The following ZNRF3 variants were observed in gnomAD, a reference collection of about 807,000 sequenced individuals.
ZNRF3 encodes the protein zinc and ring finger 3, also known as E3 ubiquitin-protein ligase ZNRF3.
In ZNRF3, 23 loss-of-function variants were observed where a neutral mutation model predicts 72.5. The ratio of observed to expected loss-of-function variants is 0.32; its 90% CI spans 0.23 to 0.45. ZNRF3 has a LOEUF of 0.45. ZNRF3 is among the 20% of genes least tolerant of loss of function. The pLI is 1.00. For missense variants in ZNRF3, 1,169 were observed against 1,272.1 expected, an observed-to-expected ratio of 0.92 and a Z score of 1.23; for synonymous variants, 610 against 545.3, an observed-to-expected ratio of 1.12 and a Z score of -1.65.
chr22:29,050,993 A>G, intron 8 of ZNRF3, 45 bp downstream of exon 8: 2 of 1,491,776 alleles, frequency 1.3e-6, no homozygotes, highest in Non-Finnish European at 1.8e-6. Flanking sequence ...AGTTTCCATC[A>G]GGGTCGTCTT....
intron 1 of ZNRF3, among the ~76,000 whole-genome samples, chr22:28,941,645 A>G (rs1312289215): frequency 2.0e-5 from 3 of 152,102 alleles, no homozygotes; most frequent in Non-Finnish European, 4.4e-5. Flanking sequence ...ACTGGGCACC[A>G]TGGCTCACAC....
chr22:29,054,263 C>A lies in ZNRF3; in HGVS notation c.*641C>A, dbSNP rs80311519. 3.5e-3 allele frequency: 541 copies of A among 152,464 alleles called. 1 individual carries two copies. Among genetic ancestry groups the A allele is most frequent in the Non-Finnish European group, 4.9e-3 (332 of 68,142 alleles). 9.4% of individuals were successfully genotyped at this position (152,464 alleles called of 1,614,324 possible). The stretch of plus-strand genomic sequence containing the variant: ...GACGCCATGCCTCTCCAGCCCACGC[C>A]TTTAGGCAGGTGATGGCAGCAGCTA... On this transcript the variant is annotated 3_prime_UTR_variant, in exon 9 of 9. Coordinates refer to ENST00000544604, the MANE Select transcript of ZNRF3 (RefSeq NM_001206998.2).
At chr22:29,046,348 A>G (rs529775517) in intron 5 of ZNRF3, among the ~76,000 whole-genome samples, 4 of 152,232 alleles carry the variant, frequency 2.6e-5, no homozygotes, top group African/African-American at 9.6e-5. Flanking sequence ...CACATTGTCT[A>G]TTTACTGTCA....
At chr22:28,896,394 A>G (rs998397454) in intron 1 of ZNRF3, among the ~76,000 whole-genome samples, 1 of 151,964 alleles carries the variant, frequency 6.6e-6, no homozygotes, top group Non-Finnish European at 1.5e-5. Context: ...CGGCCTCCCA[A>G]AGTGCTGGGC....
At chr22:29,029,141 C>T (rs890594411) in intron 2 of ZNRF3, among the ~76,000 whole-genome samples, 2 of 152,184 alleles carry the variant, frequency 1.3e-5, no homozygotes, top group African/African-American at 4.8e-5. Context: ...TCAGCTGTCT[C>T]CACACTGACA....
At chr22:28,947,308 A>G (rs1030901795) in intron 1 of ZNRF3, among the ~76,000 whole-genome samples, 1 of 152,202 alleles carries the variant, frequency 6.6e-6, no homozygotes, top group Non-Finnish European at 1.5e-5. Flanking sequence ...ATTATGAACA[A>G]TGCTGCTATG....
At chr22:29,016,452 G>A (rs1044030217) in intron 2 of ZNRF3, among the ~76,000 whole-genome samples, 2 of 152,276 alleles carry the variant, frequency 1.3e-5, no homozygotes, top group Admixed American at 1.3e-4. Context: ...TCTTGCTAAC[G>A]CTGAATAATT....
chr22:29,041,778 A>G (rs1407743192), intron 2 of ZNRF3, among the ~76,000 whole-genome samples: 1 of 152,182 alleles, frequency 6.6e-6, no homozygotes, highest in Non-Finnish European at 1.5e-5. Flanking sequence ...CAGTGTCTCC[A>G]GAGGTCTTCA....
intron 1 of ZNRF3, among the ~76,000 whole-genome samples, chr22:28,893,203 G>A (rs2033924879): frequency 6.6e-6 from 1 of 151,960 alleles, no homozygotes; most frequent in African/African-American, 2.4e-5. Flanking sequence ...AATTAAGAGT[G>A]GGGTAGTACT....
chr22:28,991,062 G>A (rs780356416), intron 2 of ZNRF3, among the ~76,000 whole-genome samples: 6 of 151,832 alleles, frequency 4.0e-5, no homozygotes, highest in Non-Finnish European at 8.8e-5. Flanking sequence ...CGCGCCGATT[G>A]CATGAGCTCA....
At chr22:28,977,688 A>G (rs184943401) in intron 1 of ZNRF3, among the ~76,000 whole-genome samples, 150 of 152,314 alleles carry the variant, frequency 9.8e-4, no homozygotes, top group Admixed American at 2.7e-3. Context: ...TCCTCCTATT[A>G]GTTTAGTATT....
intron 1 of ZNRF3, among the ~76,000 whole-genome samples, chr22:28,900,836 G>A (rs1189466208): frequency 2.0e-5 from 3 of 152,108 alleles, no homozygotes; most frequent in African/African-American, 4.8e-5. Context: ...AGCTGGGTGC[G>A]GTGGCTTACA....
intron 2 of ZNRF3, among the ~76,000 whole-genome samples, chr22:29,005,802 G>T (rs532964852): frequency 6.6e-6 from 1 of 152,170 alleles, no homozygotes; most frequent in South Asian, 2.1e-4. Flanking sequence ...CAGGCCAGGC[G>T]AGGTGGGCGG....
intron 2 of ZNRF3, among the ~76,000 whole-genome samples, chr22:29,039,957 T>C (rs2036930676): frequency 1.3e-5 from 2 of 152,006 alleles, no homozygotes; most frequent in Admixed American, 1.3e-4. Context: ...CCATCTCTGA[T>C]AGATAGAAAG....
intron 1 of ZNRF3, among the ~76,000 whole-genome samples, chr22:28,953,334 C>T (rs1282270208): frequency 3.3e-5 from 5 of 152,206 alleles, no homozygotes; most frequent in East Asian, 1.9e-4. Flanking sequence ...ACTCTAGGTA[C>T]GGCTTTTCCT....
At chr22:28,995,509 AGT>A (rs1300806550) in intron 2 of ZNRF3, among the ~76,000 whole-genome samples, 2 of 152,270 alleles carry the variant, frequency 1.3e-5, no homozygotes, top group East Asian at 3.9e-4. Flanking sequence ...ACAGTGATGG[AGT>A]GTGGTTGGTA....
At chr22:28,988,660 T>C (rs1418498312) in intron 2 of ZNRF3, among the ~76,000 whole-genome samples, 2 of 152,202 alleles carry the variant, frequency 1.3e-5, no homozygotes, top group African/African-American at 4.8e-5. Context: ...AGGAGAGCAA[T>C]GACCCCCTTG....
Position 28,948,621 on chromosome 22 carries a change from C to G in ZNRF3, c.301-38455C>G, listed in dbSNP as rs543337333. 7.3e-4 allele frequency among the ~76,000 whole-genome samples: 111 copies of G among 152,274 alleles called. 2 individuals are homozygous for G. The highest frequency in any genetic ancestry group is 1.7e-3 in the Admixed American group (26 of 15,296). ...GCAATATGCTTTGGTTGAAGTATAA[C>G]TAAGAAAATCTAGCCTTACACAGAT... On this transcript the variant is annotated intron_variant, in intron 1 of 8. Coordinates refer to ENST00000544604, the MANE Select transcript of ZNRF3 (RefSeq NM_001206998.2).
At chr22:28,999,089 G>A (rs932535995) in intron 2 of ZNRF3, among the ~76,000 whole-genome samples, 2 of 151,720 alleles carry the variant, frequency 1.3e-5, no homozygotes, top group African/African-American at 4.8e-5. Flanking sequence ...AGGCAGAGGT[G>A]GGCGGATCAC....
Sources: gnomAD v4.1 joint callset for allele counts (sites outside exome capture counted in the v4.1 genomes callset) on GRCh38, gnomAD v4.1.1 for gene constraint, MANE v1.5 for transcripts, NCBI Gene and HGNC (gene_info 2026-07-23, HGNC 2026-07-21) for gene names.